Variants in TEX9 observed in about 807,000 individuals in gnomAD.
TEX9 encodes the protein testis expressed 9, also known as testis-expressed protein 9.
Under a neutral mutation model 59.6 loss-of-function variants are expected in TEX9, and 74 were observed. That is an observed-to-expected ratio of 1.24 (90% confidence interval 1.03 to 1.51). TEX9 has a LOEUF of 1.51. Ranked by LOEUF, TEX9 falls within the 40% of genes most tolerant of loss-of-function variation. The probability of loss-of-function intolerance (pLI) is 0.00; values close to 1 mark genes in which losing one functional copy is unlikely to be tolerated. For synonymous variants in TEX9, 186 were observed against 152.2 expected (o/e 1.22, Z -1.64); for missense variants, 522 against 447.8 (o/e 1.17, Z -1.49).
chr15:56,287,337 C>T (rs1376381422), intron 1 of TEX9, among the ~76,000 whole-genome samples: 1 of 151,920 alleles, frequency 6.6e-6, no homozygotes, highest in Non-Finnish European at 1.5e-5. Flanking sequence ...GGGATGCTGG[C>T]AGAAGACACA....
chr15:56,420,073 T>A (rs1332210971), intron 10 of TEX9, among the ~76,000 whole-genome samples: 1 of 151,834 alleles, frequency 6.6e-6, no homozygotes, highest in Non-Finnish European at 1.5e-5. Flanking sequence ...TTACACTAGT[T>A]CCTTATTGTC....
At chr15:56,276,087 A>G (rs1473940966) in intron 1 of TEX9, among the ~76,000 whole-genome samples, 12 of 151,774 alleles carry the variant, frequency 7.9e-5, no homozygotes, top group African/African-American at 2.7e-4. Context: ...GTTTTCAGCT[A>G]TTTGACTTTA....
chr15:56,391,375 T>C, exon 7 of TEX9: 1 of 1,565,472 alleles, frequency 6.4e-7, no homozygotes, highest in Non-Finnish European at 8.6e-7. Flanking sequence ...TACCTGAATA[T>C]ATAGATGATA....
intron 1 of TEX9, among the ~76,000 whole-genome samples, chr15:56,288,599 C>G (rs375822878): frequency 5.3e-5 from 8 of 151,864 alleles, no homozygotes; most frequent in African/African-American, 1.9e-4. Context: ...GCTGAGAAAC[C>G]CATTGCTAGC....
the TEX9 span, among the ~76,000 whole-genome samples, chr15:56,460,009 A>AAAAAAAATATAT: frequency 1.1e-3 from 29 of 26,372 alleles, 3 homozygotes; most frequent in African/African-American, 3.0e-3. Flanking sequence ...AAAAAAAAAA[A>AAAAAAAATATAT]ATACATATAT....
At chr15:56,330,708 A>G (rs1235379339) in intron 1 of TEX9, among the ~76,000 whole-genome samples, 5 of 152,056 alleles carry the variant, frequency 3.3e-5, no homozygotes, top group African/African-American at 1.2e-4. Context: ...ATCAAATCAT[A>G]CCACCAGAGG....
chr15:56,331,264 A>G (rs1253546333), intron 1 of TEX9, among the ~76,000 whole-genome samples: 1 of 152,210 alleles, frequency 6.6e-6, no homozygotes, highest in African/African-American at 2.4e-5. Flanking sequence ...AAAATCAGCA[A>G]GGAAACATCA....
At chr15:56,399,568 G>C (rs1294708751) in intron 9 of TEX9, among the ~76,000 whole-genome samples, 2 of 152,250 alleles carry the variant, frequency 1.3e-5, no homozygotes, top group African/African-American at 4.8e-5. Flanking sequence ...AACTTCTGCA[G>C]ACTTAAACGT....
intron 1 of TEX9, among the ~76,000 whole-genome samples, chr15:56,255,983 T>C (rs575103432): frequency 6.6e-6 from 1 of 152,136 alleles, no homozygotes; most frequent in East Asian, 1.9e-4. Flanking sequence ...TCAAGATAAA[T>C]CATTCAGGTT....
intron 1 of TEX9, among the ~76,000 whole-genome samples, chr15:56,319,052 A>C (rs1262448475): frequency 2.6e-5 from 4 of 152,120 alleles, no homozygotes; most frequent in African/African-American, 9.7e-5. Context: ...TTAATTGCTT[A>C]AAGTAGTATT....
At chr15:56,288,528 GT>G (rs2045006454) in intron 1 of TEX9, among the ~76,000 whole-genome samples, 1 of 152,042 alleles carries the variant, frequency 6.6e-6, no homozygotes, top group South Asian at 2.1e-4. Flanking sequence ...TTGGTTGGGA[GT>G]TTTTTCCCTT....
intron 9 of TEX9, among the ~76,000 whole-genome samples, chr15:56,405,911 AT>A (rs1408784011): frequency 5.3e-5 from 8 of 152,194 alleles, no homozygotes; most frequent in Non-Finnish European, 1.2e-4. Context: ...TCAGCATTGG[AT>A]TTTGTTTTTC....
At chr15:56,295,002 CAT>C (rs764710184) in intron 1 of TEX9, among the ~76,000 whole-genome samples, 3 of 151,590 alleles carry the variant, frequency 2.0e-5, no homozygotes, top group African/African-American at 7.3e-5. Context: ...TATGTTTTTT[CAT>C]ATATATATAT....
chr15:56,289,525 C>T (rs1826207188), intron 1 of TEX9, among the ~76,000 whole-genome samples: 2 of 152,186 alleles, frequency 1.3e-5, no homozygotes, highest in Non-Finnish European at 2.9e-5. Flanking sequence ...CTGCAGGAAT[C>T]CTTCGCAGCT....
chr15:56,457,580 T>G, the TEX9 span, among the ~76,000 whole-genome samples: 2 of 152,158 alleles, frequency 1.3e-5, no homozygotes, highest in African/African-American at 2.4e-5. Context: ...CCCAGCACTT[T>G]GGGAGGCTAA....
intron 1 of TEX9, among the ~76,000 whole-genome samples, chr15:56,249,675 G>T (rs1204129871): frequency 6.8e-6 from 1 of 147,802 alleles, no homozygotes; most frequent in Non-Finnish European, 1.5e-5. Context: ...TCAGGGAGGT[G>T]GAGGTTGCAG....
chr15:56,447,061 T>G, downstream of TEX9: 1 of 671,634 alleles, frequency 1.5e-6, no homozygotes, highest in Non-Finnish European at 2.5e-6. Flanking sequence ...GCGGGTATTA[T>G]TTTAGATCCA....
chr15:56,327,203 T>G (rs1398254756), intron 1 of TEX9, among the ~76,000 whole-genome samples: 2 of 152,238 alleles, frequency 1.3e-5, no homozygotes, highest in African/African-American at 2.4e-5. Flanking sequence ...TTTTTCTATT[T>G]CAATCAATAT....
intron 1 of TEX9, among the ~76,000 whole-genome samples, chr15:56,276,313 G>C (rs1375974181): frequency 6.6e-6 from 1 of 152,014 alleles, no homozygotes; most frequent in Non-Finnish European, 1.5e-5. Flanking sequence ...ATTTGTCCTA[G>C]TGCTCTCCCT....
Sources: allele counts gnomAD v4.1 joint callset (sites outside exome capture counted in the v4.1 genomes callset), GRCh38; gene constraint gnomAD v4.1.1; transcripts MANE v1.5; gene names NCBI Gene and HGNC (gene_info 2026-07-23, HGNC 2026-07-21).